KIAA0232: variants seen among roughly 807,000 people sequenced by gnomAD.
The protein encoded by KIAA0232 is KIAA0232.
A neutral mutation model predicts 122.0 loss-of-function variants in KIAA0232; 27 were observed. The observed-to-expected ratio is 0.22, with a 90% CI of 0.16 to 0.31. The LOEUF is 0.31. Among genes scored for constraint, KIAA0232 ranks in the 10% least tolerant of loss-of-function variants. KIAA0232 has a pLI of 1.00. For synonymous variants in KIAA0232, 613 were observed against 587.6 expected (o/e 1.04, Z -0.63); for missense variants, 1,551 against 1,634.2 (o/e 0.95, Z 0.88).
chr4:6,783,609 C>A (rs1263913624), intron 1 of KIAA0232, among the ~76,000 whole-genome samples: 1 of 150,388 alleles, frequency 6.6e-6, no homozygotes, highest in Non-Finnish European at 1.5e-5. Context: ...GGAAAACCGC[C>A]GGGCGGGGGA....
intron 7 of KIAA0232, among the ~76,000 whole-genome samples, chr4:6,869,994 C>G (rs1217512657): frequency 6.6e-6 from 1 of 152,226 alleles, no homozygotes; most frequent in African/African-American, 2.4e-5. Flanking sequence ...TAGAAAGATG[C>G]AGTGGCCAAG....
chr4:6,783,287 G>A (rs1217729164), intron 1 of KIAA0232, among the ~76,000 whole-genome samples: 5 of 152,204 alleles, frequency 3.3e-5, no homozygotes, highest in African/African-American at 1.2e-4. Flanking sequence ...CCAGGACGCC[G>A]GGACACCAGC....
intron 2 of KIAA0232, among the ~76,000 whole-genome samples, chr4:6,813,088 A>G (rs948871861): frequency 1.3e-5 from 2 of 152,110 alleles, no homozygotes; most frequent in Non-Finnish European, 2.9e-5. Flanking sequence ...ACTCTAAATA[A>G]TTAGGAACAC....
intron 2 of KIAA0232, among the ~76,000 whole-genome samples, chr4:6,819,585 A>G (rs1323936961): frequency 2.0e-5 from 3 of 152,200 alleles, no homozygotes; most frequent in Non-Finnish European, 4.4e-5. Context: ...AATGGCTGTC[A>G]TTAGAAGTTA....
intron 1 of KIAA0232, among the ~76,000 whole-genome samples, chr4:6,792,720 C>T (rs1716956577): frequency 7.2e-6 from 1 of 138,224 alleles, no homozygotes; most frequent in Non-Finnish European, 1.5e-5. Context: ...GACAGAGTCT[C>T]ACTCTGTTGC....
In KIAA0232 at chr4:6,824,209, C is replaced by G. The variant is rs1718561821; in HGVS notation, c.-245C>G. 1.8e-6 allele frequency: 1 copy of G among 543,566 alleles called. No individual in the cohort carries two copies. The highest frequency in any genetic ancestry group is 1.9e-5 in the African/African-American group (1 of 53,462). The allele number at this position is 543,566 out of a possible 1,614,324, so 33.7% of individuals were successfully genotyped here. A position where few individuals can be genotyped will look rare whatever the true frequency, so the allele number is the denominator to read the frequency against. On this transcript the variant is annotated 5_prime_UTR_variant, in exon 3 of 10. Transcript: ENST00000307659. ...GGTTCTGCCGGAGACTTCCATTTGG[C>G]CTCAATGTGAAATTAAAGTAGAAAA...
chr4:6,839,283 G>A (rs1719517209), intron 3 of KIAA0232, among the ~76,000 whole-genome samples: 1 of 152,144 alleles, frequency 6.6e-6, no homozygotes, highest in African/African-American at 2.4e-5. Context: ...TTAGGCAGAA[G>A]AAAATATATA....
intron 3 of KIAA0232, among the ~76,000 whole-genome samples, chr4:6,827,645 A>C (rs573222470): frequency 1.3e-5 from 2 of 152,352 alleles, no homozygotes; most frequent in East Asian, 3.9e-4. Flanking sequence ...CTTGAGTTCT[A>C]AAACAGATTT....
chr4:6,791,236 A>G (rs532763665), intron 1 of KIAA0232, among the ~76,000 whole-genome samples: 5 of 151,714 alleles, frequency 3.3e-5, no homozygotes, highest in African/African-American at 1.2e-4. Context: ...ATATACTTTA[A>G]AGTTTAAATT....
At chr4:6,833,504 C>T (rs1483721852) in intron 3 of KIAA0232, among the ~76,000 whole-genome samples, 2 of 152,032 alleles carry the variant, frequency 1.3e-5, no homozygotes, top group African/African-American at 2.4e-5. Context: ...GTGGTGTGTG[C>T]CTGTAGTCTC....
At chr4:6,832,382 T>G (rs1018551814) in intron 3 of KIAA0232, among the ~76,000 whole-genome samples, 2 of 150,954 alleles carry the variant, frequency 1.3e-5, no homozygotes, top group Non-Finnish European at 3.0e-5. Flanking sequence ...GGACTCTTGC[T>G]GTGTTGCCTA....
rs145230900 is a variant in KIAA0232 at position 6,881,599 on chromosome 4, A to G, written c.*633A>G. On this transcript the variant is annotated 3_prime_UTR_variant, in exon 10 of 10. Coordinates refer to ENST00000307659, the MANE Select transcript of KIAA0232 (RefSeq NM_014743.3). ...CCCCTAAAGTATCACGGAAGATACT[A>G]TGGTTCGTGACTTTCTTGCTAACTG... 4.8e-3 allele frequency: 737 copies of G among 152,746 alleles called. 4 individuals are homozygous for G. The highest frequency in any genetic ancestry group is 6.7e-3 in the Non-Finnish European group (457 of 68,040). The allele number at this position is 152,746 out of a possible 1,614,324, so 9.5% of individuals were successfully genotyped here. A position where few individuals can be genotyped will look rare whatever the true frequency, so the allele number is the denominator to read the frequency against.
chr4:6,834,037 A>C (rs770851255), intron 3 of KIAA0232, among the ~76,000 whole-genome samples: 4 of 151,924 alleles, frequency 2.6e-5, no homozygotes, highest in African/African-American at 4.8e-5. Context: ...TTTCCAACTT[A>C]GACCACTGAC....
intron 9 of KIAA0232, among the ~76,000 whole-genome samples, chr4:6,879,332 C>T (rs552906622): frequency 2.0e-5 from 3 of 152,280 alleles, no homozygotes; most frequent in African/African-American, 7.2e-5. Flanking sequence ...TATCCGAGGC[C>T]AGAGAGCCAC....
intron 3 of KIAA0232, among the ~76,000 whole-genome samples, chr4:6,826,921 C>G (rs964804726): frequency 2.6e-5 from 4 of 152,096 alleles, no homozygotes; most frequent in Non-Finnish European, 5.9e-5. Flanking sequence ...CCTCTGGTTT[C>G]TTTACTAACT....
chr4:6,875,301 A>G (rs149647147), intron 8 of KIAA0232, among the ~76,000 whole-genome samples: 2 of 152,256 alleles, frequency 1.3e-5, no homozygotes, highest in Non-Finnish European at 2.9e-5. Flanking sequence ...TGATGTTCTC[A>G]TCTTAGAGAT....
In KIAA0232 at chr4:6,881,346, C is replaced by T. The variant is rs1326132732; in HGVS notation, c.*380C>T. On this transcript the variant is annotated 3_prime_UTR_variant, in exon 10 of 10. Coordinates refer to ENST00000307659, the MANE Select transcript of KIAA0232 (RefSeq NM_014743.3). ...TGCAGTGTCAACAACCACTTCTGCT[C>T]TTCAGAGACTTCAGCTTTGGAGCAT... 6.5e-6 allele frequency: 1 copy of T among 154,900 alleles called. No individual in the cohort carries two copies. 9.6% of individuals were successfully genotyped at this position (154,900 alleles called of 1,614,324 possible). A position where few individuals can be genotyped will look rare whatever the true frequency, so the allele number is the denominator to read the frequency against.
In KIAA0232 at chr4:6,862,939, G is replaced by C. The variant is rs1720959239; in HGVS notation, c.2557G>C (p.Ala853Pro). Reference protein sequence around the residue: ...IERTDAELFSADVNNYCCCLD... With the variant: ...IERTDAELFSPDVNNYCCCLD... ...AAGAACTGATGCTGAGTTGTTTTCG[G>C]CAGATGTAAATAACTACTGCTGCTG... The change falls in exon 7 of 10, where the codon GCA (alanine) becomes CCA (proline). Residue 853 changes from alanine to proline, a missense_variant. By Grantham distance (27) the Ala-to-Pro change is conservative (BLOSUM62 -1). This residue lies in a region of KIAA0232 where 1,108 missense variants were observed against 1,154.8 expected (regional missense o/e 0.96). Coordinates refer to ENST00000307659, the MANE Select transcript of KIAA0232 (RefSeq NM_014743.3). 1 of 1,614,216 alleles carries C rather than the reference G, an allele frequency of 6.2e-7. No individual in the cohort carries two copies. Among genetic ancestry groups the C allele is most frequent in the East Asian group, 2.2e-5 (1 of 44,890 alleles).
At chr4:6,838,973 A>G (rs1003472158) in intron 3 of KIAA0232, among the ~76,000 whole-genome samples, 1 of 152,176 alleles carries the variant, frequency 6.6e-6, no homozygotes, top group African/African-American at 2.4e-5. Flanking sequence ...CACTAAAAAT[A>G]CAGAAATTAG....
Sources: gnomAD v4.1 joint callset for allele counts (sites outside exome capture counted in the v4.1 genomes callset) on GRCh38, gnomAD v4.1.1 for gene constraint, gnomAD v4.1.1 regional missense constraint, MANE v1.5 for transcripts, NCBI Gene and HGNC (gene_info 2026-07-23, HGNC 2026-07-21) for gene names.